TRPM3: variants seen among roughly 807,000 people sequenced by gnomAD.
TRPM3 encodes the protein long transient receptor potential channel 3.
In TRPM3, 77 loss-of-function variants were observed where a neutral mutation model predicts 181.2. That is an observed-to-expected ratio of 0.42 (90% CI 0.35 to 0.51). The LOEUF (loss-of-function observed/expected upper bound fraction) is 0.51. Ranked by LOEUF, TRPM3 falls within the 20% of genes least tolerant of loss-of-function variation. The pLI, the probability that TRPM3 is intolerant of heterozygous loss-of-function variation, is 0.01. For synonymous variants in TRPM3, 745 were observed against 796.4 expected (o/e 0.94, Z 1.09); for missense variants, 1,759 against 2,196.7 (o/e 0.80, Z 3.98).
At chr9:70,549,038 A>G (rs562654935) in intron 25 of TRPM3, among the ~76,000 whole-genome samples, 1 of 152,296 alleles carries the variant, frequency 6.6e-6, no homozygotes, top group South Asian at 2.1e-4. Flanking sequence ...AAAACAAAAC[A>G]ATTCTGGGGA....
intron 1 of TRPM3, among the ~76,000 whole-genome samples, chr9:71,298,094 G>GA (rs11288806): frequency 1.1e-3 from 160 of 142,372 alleles, no homozygotes; most frequent in South Asian, 2.0e-3. Flanking sequence ...TCTGCCACCA[G>GA]AAAAAAAAAA....
At chr9:70,601,558 G>A (rs2059961096) in intron 20 of TRPM3, among the ~76,000 whole-genome samples, 1 of 152,154 alleles carries the variant, frequency 6.6e-6, no homozygotes, top group Non-Finnish European at 1.5e-5. Flanking sequence ...AGGGGTTGGG[G>A]CGCCGCCTCA....
intron 1 of TRPM3, among the ~76,000 whole-genome samples, chr9:71,440,521 C>T (rs1416592586): frequency 6.6e-6 from 1 of 152,222 alleles, no homozygotes; most frequent in Non-Finnish European, 1.5e-5. Context: ...GAGAAGCAGG[C>T]ATAAATGTCT....
intron 1 of TRPM3, among the ~76,000 whole-genome samples, chr9:71,444,049 C>T (rs1427066834): frequency 1.3e-5 from 2 of 151,800 alleles, no homozygotes; most frequent in Non-Finnish European, 2.9e-5. Flanking sequence ...TGTGGTGGTG[C>T]GTGCCTATAA....
At chr9:70,893,629 T>C (rs2096243041) in intron 1 of TRPM3, among the ~76,000 whole-genome samples, 1 of 151,594 alleles carries the variant, frequency 6.6e-6, no homozygotes, top group Non-Finnish European at 1.5e-5. Flanking sequence ...ATTAGGGCCC[T>C]ATACTCCTAT....
chr9:71,413,872 T>TA (rs2093599472), intron 1 of TRPM3, among the ~76,000 whole-genome samples: 1 of 151,482 alleles, frequency 6.6e-6, no homozygotes, highest in Admixed American at 6.6e-5. Context: ...TTTTTTTTTT[T>TA]AAACTACCCA....
At chr9:71,027,729 T>C (rs953000453) in intron 1 of TRPM3, among the ~76,000 whole-genome samples, 1 of 152,132 alleles carries the variant, frequency 6.6e-6, no homozygotes, top group African/African-American at 2.4e-5. Flanking sequence ...CCTTGAAGAC[T>C]AGCTTTTGGA....
At chr9:71,016,139 CA>C (rs58566593) in intron 1 of TRPM3, among the ~76,000 whole-genome samples, 89,520 of 117,188 alleles carry the variant, frequency 0.76, 32,801 homozygotes, top group East Asian at 0.87. Flanking sequence ...GACTCCCTCT[CA>C]AAAAAAAAAA....
chr9:71,072,121 C>T (rs963023650), intron 1 of TRPM3, among the ~76,000 whole-genome samples: 3 of 152,076 alleles, frequency 2.0e-5, no homozygotes, highest in Non-Finnish European at 4.4e-5. Context: ...ATATGTCCAT[C>T]TGATTTCTTT....
intron 12 of TRPM3, among the ~76,000 whole-genome samples, chr9:70,633,027 A>C (rs2066174814): frequency 6.6e-6 from 1 of 152,182 alleles, no homozygotes; most frequent in Admixed American, 6.5e-5. Flanking sequence ...ATCCCTTTGA[A>C]AATTAGACAA....
intron 1 of TRPM3, among the ~76,000 whole-genome samples, chr9:71,373,311 T>TAA (rs35902768): frequency 0.021 from 3,113 of 145,122 alleles, 96 homozygotes; most frequent in African/African-American, 0.063. Flanking sequence ...GAAAAACCCT[T>TAA]AAAAAAAAAA....
At chr9:70,915,497 G>A (rs2096584259) in intron 1 of TRPM3, among the ~76,000 whole-genome samples, 1 of 151,250 alleles carries the variant, frequency 6.6e-6, no homozygotes, top group Non-Finnish European at 1.5e-5. Context: ...AGTAGAGACG[G>A]GGTTTCACCG....
At chr9:70,835,561 C>T (rs2131846182) in intron 5 of TRPM3, among the ~76,000 whole-genome samples, 1 of 152,062 alleles carries the variant, frequency 6.6e-6, no homozygotes, top group African/African-American at 2.4e-5. Flanking sequence ...TCCACTCACT[C>T]TCCTCACACC....
chr9:70,818,797 C>T (rs1786825109), intron 6 of TRPM3, among the ~76,000 whole-genome samples: 1 of 152,146 alleles, frequency 6.6e-6, no homozygotes, highest in Non-Finnish European at 1.5e-5. Context: ...CTTTTGTCCT[C>T]ATCTGGGAGA....
intron 1 of TRPM3, among the ~76,000 whole-genome samples, chr9:71,036,219 C>T (rs931363715): frequency 6.6e-6 from 1 of 152,000 alleles, no homozygotes; most frequent in Non-Finnish European, 1.5e-5. Flanking sequence ...AATACAATAC[C>T]TTATTCCCTC....
At chr9:71,086,989 A>G (rs1335190837) in intron 1 of TRPM3, among the ~76,000 whole-genome samples, 2 of 151,982 alleles carry the variant, frequency 1.3e-5, no homozygotes, top group Admixed American at 6.6e-5. Flanking sequence ...TTATGAAACT[A>G]CCGAATTTCC....
At position 70,537,338 on chromosome 9, in the gene TRPM3, G is replaced by A; in HGVS notation, c.3775C>T (p.Gln1259Ter). 6.6e-7 allele frequency: 1 copy of A among 1,516,324 alleles called. No individual in the cohort carries two copies. The highest frequency in any genetic ancestry group is 8.8e-7 in the Non-Finnish European group (1 of 1,130,672). The allele number at this position is 1,516,324 out of a possible 1,614,324, so 93.9% of individuals were successfully genotyped here. Reference protein sequence around the residue: ...EREHSMKASLQTVDIRLAQLE... With the variant: ...EREHSMKASL ...TGCGCCAGCCGGATGTCCACGGTCT[G>A]GAGTGAAGCCTTCATGGAGTGCTCT... The change falls in exon 26 of 26, where the codon CAG (glutamine) becomes TAG (stop). Residue 1259 changes from glutamine (Q) to a stop codon, truncating the protein, a stop_gained. Transcript: ENST00000677713. LOFTEE classifies it high-confidence loss of function.
At chr9:71,026,374 T>A (rs2056497283) in intron 1 of TRPM3, among the ~76,000 whole-genome samples, 1 of 152,156 alleles carries the variant, frequency 6.6e-6, no homozygotes, top group Non-Finnish European at 1.5e-5. Flanking sequence ...ATAGCTGCTG[T>A]GCTGGCAGAC....
At chr9:71,128,451 A>T (rs79353223) in intron 1 of TRPM3, among the ~76,000 whole-genome samples, 3,185 of 152,288 alleles carry the variant, frequency 0.021, 43 homozygotes, top group Non-Finnish European at 0.031. Flanking sequence ...AAAAATTCTA[A>T]TGAGTTCCCG....
Sources: allele counts gnomAD v4.1 joint callset (sites outside exome capture counted in the v4.1 genomes callset), GRCh38; gene constraint gnomAD v4.1.1; transcripts MANE v1.5; gene names NCBI Gene and HGNC (gene_info 2026-07-23, HGNC 2026-07-21).